The following DARS2 variants were observed in gnomAD, a reference collection of about 807,000 sequenced individuals.
DARS2 encodes aspartyl-tRNA synthetase 2, mitochondrial.
Under a neutral mutation model 83.0 loss-of-function variants are expected in DARS2, and 63 were observed. The ratio of observed to expected loss-of-function variants is 0.76; its 90% CI spans 0.62 to 0.94. DARS2 has a LOEUF of 0.94. Ranked by LOEUF, DARS2 falls within the 40% of genes least tolerant of loss-of-function variation. DARS2 has a pLI of 0.00. For synonymous variants in DARS2, 250 were observed against 269.3 expected (o/e 0.93, Z 0.70); for missense variants, 675 against 774.4 (o/e 0.87, Z 1.52).
In DARS2 at chr1:173,828,388, C is replaced by T; in HGVS notation, c.283C>T (p.Pro95Ser). The T allele has an allele frequency of 6.3e-7, 1 of 1,598,914 alleles. No homozygotes were observed. Among genetic ancestry groups the T allele is most frequent in the Non-Finnish European group, 8.5e-7 (1 of 1,171,504 alleles). ...DFDGLVQVII[P>S]QDESAASVKK... ...CGATGGGCTTGTTCAAGTTATCATTCCCCAGGATGAGGTAATAGAAAATTT... is the reference window on the plus strand; with the variant it reads ...CGATGGGCTTGTTCAAGTTATCATTTCCCAGGATGAGGTAATAGAAAATTT... The change falls in exon 3 of 17, where the codon CCC (proline) becomes TCC (serine). Residue 95 changes from proline to serine, a missense_variant. Pro to Ser is a moderately conservative substitution (Grantham distance 74). Coordinates refer to ENST00000649689, the MANE Select transcript of DARS2 (RefSeq NM_018122.5).
chr1:173,838,400 A>C, intron 9 of DARS2, 141 bp downstream of exon 9: 2 of 663,896 alleles, frequency 3.0e-6, no homozygotes, highest in Non-Finnish European at 5.2e-6. Flanking sequence ...CCTGCAGTTG[A>C]GAAACTAATT....
rs762805090 is a variant in DARS2, at chr1:173,857,523, G to C, written c.1756G>C (p.Asp586His). 6.2e-7 allele frequency: 1 copy of C among 1,614,028 alleles called. No individual in the cohort carries two copies. The highest frequency in any genetic ancestry group is 8.5e-7 in the Non-Finnish European group (1 of 1,179,920). The change falls in exon 17 of 17, where the codon GAC becomes CAC. Residue 586 changes from aspartate (D) to histidine (H), a missense_variant. Coordinates refer to ENST00000649689, the MANE Select transcript of DARS2 (RefSeq NM_018122.5). ...PPHGGIALGL[D>H]RLICLVTGSP... ...TCTTTGTATTTTACTCACAGGGTTAGACAGACTGATATGCCTTGTCACTGG... is the reference window on the plus strand; with the variant it reads ...TCTTTGTATTTTACTCACAGGGTTACACAGACTGATATGCCTTGTCACTGG...
intron 1 of DARS2, 135 bp from the exon 2 acceptor site, chr1:173,826,552 T>G (rs1379206035): frequency 6.0e-6 from 4 of 664,166 alleles, no homozygotes; most frequent in Non-Finnish European, 1.0e-5. Flanking sequence ...CTCTGACTTA[T>G]TTTATTTTAT....
intron 12 of DARS2, among the ~76,000 whole-genome samples, chr1:173,846,056 G>C (rs1003029943): frequency 6.6e-6 from 1 of 152,046 alleles, no homozygotes; most frequent in South Asian, 2.1e-4. Context: ...TACTCTGGAG[G>C]CTGAGGCAGG....
At chr1:173,845,008 G>A (rs1045642512) in intron 11 of DARS2, among the ~76,000 whole-genome samples, 5 of 151,732 alleles carry the variant, frequency 3.3e-5, no homozygotes, top group Admixed American at 1.3e-4. Flanking sequence ...TGGTCGGGCT[G>A]GTTTTGAACT....
intron 12 of DARS2, among the ~76,000 whole-genome samples, chr1:173,846,033 C>T (rs2102654723): frequency 6.6e-6 from 1 of 152,240 alleles, no homozygotes; most frequent in African/African-American, 2.4e-5. Flanking sequence ...TGGCGCGGGC[C>T]TGTAGTCCCA....
chr1:173,842,284 C>CTTTTTTTTTTTTTTTTTT lies in DARS2; in HGVS notation c.1128+1327_1128+1344dup, dbSNP rs1178547914. The stretch of plus-strand genomic sequence containing the variant: ...CTCAGGAACTCAGTCTCATTACTTT[C>CTTTTTTTTTTTTTTTTTT]TTTTTTTTTTTTTTTTTTTTTTTTT... On this transcript the variant is annotated intron_variant, in intron 11 of 16. Coordinates refer to ENST00000649689, the MANE Select transcript of DARS2 (RefSeq NM_018122.5). Among the ~76,000 whole-genome samples, 12 of 64,254 alleles carry CTTTTTTTTTTTTTTTTTT rather than the reference C, an allele frequency of 1.9e-4. 3 individuals are homozygous for CTTTTTTTTTTTTTTTTTT. The highest frequency in any genetic ancestry group is 6.4e-4 in the South Asian group (1 of 1,554). The allele number at this position is 64,254 out of a possible 152,430, so 42.2% of individuals were successfully genotyped here.
At chr1:173,856,842 G>A in intron 16 of DARS2, 101 bp downstream of exon 16, 1 of 824,328 alleles carries the variant, frequency 1.2e-6, no homozygotes, top group Non-Finnish European at 2.0e-6. Flanking sequence ...ATGAGTCCAA[G>A]AGTTCCATGA....
chr1:173,856,571 C>G (rs1379682985), intron 15 of DARS2, 95 bp from the exon 16 acceptor site: 1 of 1,129,674 alleles, frequency 8.9e-7, no homozygotes, highest in Non-Finnish European at 1.3e-6. Flanking sequence ...TGTTTTAAAA[C>G]TCAACTTTGT....
Position 173,834,770 on chromosome 1 carries a change from G to GTTTTTTTTTTTTTTTT in DARS2, c.663+262_663+263insTTTTTTTTTTTTTTTT, listed in dbSNP as rs1652935088. 1.3e-4 allele frequency among the ~76,000 whole-genome samples: 4 copies of GTTTTTTTTTTTTTTTT among 31,136 alleles called. 1 individual carries two copies. Among genetic ancestry groups the GTTTTTTTTTTTTTTTT allele is most frequent in the African/African-American group, 6.8e-4 (4 of 5,850 alleles). The allele number at this position is 31,136 out of a possible 152,430, so 20.4% of individuals were successfully genotyped here. A position where few individuals can be genotyped will look rare whatever the true frequency, so the allele number is the denominator to read the frequency against. Reference sequence around the variant, plus strand: ...TTTTTTTTTTTTTGGTTTGTTTTGGGTTTTTTTTTTTGTTTTTTTTTTTTT... The same window carrying GTTTTTTTTTTTTTTTT: ...TTTTTTTTTTTTTGGTTTGTTTTGGGTTTTTTTTTTTTTTTTTTTTTTTTTTTGTTTTTTTTTTTTT... On this transcript the variant is annotated intron_variant, in intron 7 of 16. Coordinates refer to ENST00000649689, the MANE Select transcript of DARS2 (RefSeq NM_018122.5).
rs963575131 is a variant in DARS2 at position 173,853,924 on chromosome 1, T to A, written c.1674+19T>A. On this transcript the variant is annotated intron_variant, in intron 15 of 16. Coordinates refer to ENST00000649689, the MANE Select transcript of DARS2 (RefSeq NM_018122.5). The stretch of plus-strand genomic sequence containing the variant: ...ACTAAAGGTAACAAACATCATCTGC[T>A]ATCCTGGGCTTATTTTTTTACCAGA... The A allele has an allele frequency of 2.6e-6, 4 of 1,566,380 alleles. No individual in the cohort carries two copies. In the African/African-American group the frequency reaches 5.4e-5, roughly 21 times the overall value.
rs116552130 is a variant in DARS2 at position 173,854,032 on chromosome 1, C to G, written c.1674+127C>G. 1.4e-3 allele frequency: 1,134 copies of G among 786,770 alleles called. 8 individuals carry two copies. The highest frequency in any genetic ancestry group is 0.012 in the African/African-American group (713 of 58,664). 48.7% of individuals were successfully genotyped at this position (786,770 alleles called of 1,614,324 possible). ...ATTCTGTCACCCAGGCAGGTGTCTA[C>G]TGGTGCATTCATAGCTCACTGCAAT... On this transcript the variant is annotated intron_variant, in intron 15 of 16. Coordinates refer to ENST00000649689, the MANE Select transcript of DARS2 (RefSeq NM_018122.5).
At chr1:173,836,420 G>A (rs1028691846) in intron 7 of DARS2, among the ~76,000 whole-genome samples, 1 of 149,764 alleles carries the variant, frequency 6.7e-6, no homozygotes, top group Non-Finnish European at 1.5e-5. Context: ...GCAGGCACCT[G>A]TAATCCCAGC....
In DARS2 at chr1:173,824,965, GAGT is replaced by G; in HGVS notation, c.-262_-260del. 1 of 387,400 alleles carries G rather than the reference GAGT, an allele frequency of 2.6e-6. No individual in the cohort carries two copies. Among genetic ancestry groups the G allele is most frequent in the Non-Finnish European group, 4.9e-6 (1 of 202,526 alleles). The allele number at this position is 387,400 out of a possible 1,614,324, so 24.0% of individuals were successfully genotyped here. ...CGTCACTTTTGGCTGCCGACTTGTT[GAGT>G]AGAAGTGCAGACTGATGCTTTAAGA... On this transcript the variant is annotated 5_prime_UTR_variant, in exon 1 of 17. Coordinates refer to ENST00000649689, the MANE Select transcript of DARS2 (RefSeq NM_018122.5).
intron 11 of DARS2, among the ~76,000 whole-genome samples, chr1:173,843,149 T>C (rs1653293802): frequency 6.6e-6 from 1 of 152,100 alleles, no homozygotes; most frequent in Admixed American, 6.6e-5. Context: ...CACATTAATA[T>C]AGTTAATGAT....
chr1:173,857,733 C>T lies in DARS2; in HGVS notation c.*28C>T. On this transcript the variant is annotated 3_prime_UTR_variant, in exon 17 of 17. Coordinates refer to ENST00000649689, the MANE Select transcript of DARS2 (RefSeq NM_018122.5). ...CATGCATACCATGCAGAAAGTTGAGCTTTTAGGTTTTGTCCTCTTTGCTTC... is the reference window on the plus strand; with the variant it reads ...CATGCATACCATGCAGAAAGTTGAGTTTTTAGGTTTTGTCCTCTTTGCTTC... The T allele has an allele frequency of 6.2e-7, 1 of 1,613,666 alleles. No homozygotes were observed. The highest frequency in any genetic ancestry group is 8.5e-7 in the Non-Finnish European group (1 of 1,179,674).
At position 173,839,407 on chromosome 1, in the gene DARS2, A is replaced by G. The variant is rs753407434; in HGVS notation, c.881A>G (p.Gln294Arg). The G allele has an allele frequency of 6.2e-7, 1 of 1,614,108 alleles. No homozygotes were observed. The change falls in exon 10 of 17, where the codon CAG (glutamine) becomes CGG (arginine). Residue 294 changes from glutamine (Q) to arginine (R), a missense_variant. Physicochemically the swap from Gln to Arg is conservative, Grantham distance 43 (BLOSUM62 1). Transcript: ENST00000649689. Reference protein sequence around the residue: ...EMSFVDQTGIQSLIEGLLQYS... With the variant: ...EMSFVDQTGIRSLIEGLLQYS... ...TCATTTGTAGACCAGACTGGGATCC[A>G]GAGTTTAATTGAGGGTTTGCTCCAG...
At chr1:173,851,712 A>G (rs999029574) in intron 13 of DARS2, 1 of 355,278 alleles carries the variant, frequency 2.8e-6, no homozygotes, top group Non-Finnish European at 3.9e-6. Context: ...AAGATCAAGC[A>G]TGATATAAAT....
intron 11 of DARS2, among the ~76,000 whole-genome samples, chr1:173,842,230 T>TA (rs1653247455): frequency 6.8e-6 from 1 of 147,400 alleles, no homozygotes; most frequent in Admixed American, 6.8e-5. Context: ...TTTGGATACA[T>TA]AAGCATTATA....
Sources: allele counts gnomAD v4.1 joint callset (sites outside exome capture counted in the v4.1 genomes callset), GRCh38; gene constraint gnomAD v4.1.1; transcripts MANE v1.5; gene names NCBI Gene and HGNC (gene_info 2026-07-23, HGNC 2026-07-21).